Variants in ATG101 observed in about 807,000 individuals in gnomAD.
ATG101 encodes autophagy-related protein 101.
Under a neutral mutation model 16.7 loss-of-function variants are expected in ATG101, and 6 were observed. The ratio of observed to expected loss-of-function variants is 0.36; its 90% CI spans 0.20 to 0.71. The LOEUF is 0.71. Among genes scored for constraint, ATG101 ranks in the 30% least tolerant of loss-of-function variants. ATG101 has a pLI of 0.57. For missense variants in ATG101, 200 were observed against 292.5 expected (o/e 0.68, Z 2.31); for synonymous variants, 108 against 118.1 (o/e 0.91, Z 0.56).
At chr12:52,074,071 G>A (rs1592317712) in intron 3 of ATG101, among the ~76,000 whole-genome samples, 169 bp downstream of exon 3, 1 of 144,962 alleles carries the variant, frequency 6.9e-6, no homozygotes, top group East Asian at 2.4e-4. Context: ...TCCTCTTCAG[G>A]GGAGGGCGCG....
chr12:52,074,779 C>T (rs765019067), intron 3 of ATG101, among the ~76,000 whole-genome samples: 14 of 152,046 alleles, frequency 9.2e-5, no homozygotes, highest in Non-Finnish European at 1.5e-4. Flanking sequence ...GGAAACATGG[C>T]GAAACTCCGT....
Position 52,077,437 on chromosome 12 carries a change from T to A in ATG101, c.*247T>A. On this transcript the variant is annotated 3_prime_UTR_variant, in exon 4 of 4. Transcript: ENST00000336854. ...GGTGGGGTCCCCCTTCTTTCTCCAC[T>A]GTACAGAAGAGCCACCACTGGGATG... is the stretch of plus-strand genomic sequence containing the variant. The A allele has an allele frequency of 1.9e-6, 1 of 526,134 alleles. No homozygotes were observed. Among genetic ancestry groups the A allele is most frequent in the Non-Finnish European group, 3.4e-6 (1 of 296,144 alleles). The allele number at this position is 526,134 out of a possible 1,614,324, so 32.6% of individuals were successfully genotyped here.
In ATG101 at chr12:52,076,876, G is replaced by T. The variant is rs1052975287; in HGVS notation, c.343G>T (p.Glu115Ter). The T allele has an allele frequency of 6.2e-7, 1 of 1,614,072 alleles. No homozygotes were observed. The highest frequency in any genetic ancestry group is 8.5e-7 in the Non-Finnish European group (1 of 1,180,042). The change falls in exon 4 of 4, where the codon GAG (glutamate) becomes TAG (stop). Residue 115 changes from glutamate to a stop codon, truncating the protein, a stop_gained. Transcript: ENST00000336854. LOFTEE classifies it high-confidence loss of function. ...GAAGTCTCGCTGGCCATTCTCAGAC[G>T]AGTGCATCCCATGGGAAGTGTGGAC... ...KKKSRWPFSD[E>*]CIPWEVWTVK... is the part of the protein sequence containing the mutation.
upstream of ATG101, among the ~76,000 whole-genome samples, chr12:52,065,358 C>A (rs1362868791): frequency 6.6e-6 from 1 of 152,216 alleles, no homozygotes; most frequent in East Asian, 1.9e-4. Flanking sequence ...TGTGACTTGT[C>A]CCCCTTGGCA....
In ATG101 at chr12:52,077,409, C is replaced by A; in HGVS notation, c.*219C>A. On this transcript the variant is annotated 3_prime_UTR_variant, in exon 4 of 4. Transcript: ENST00000336854. ...CCTGCCTCTACTGTCTCTCCATAGC[C>A]CTGGTGGGGTCCCCCTTCTTTCTCC... 1.7e-6 allele frequency: 1 copy of A among 594,878 alleles called. No individual in the cohort carries two copies. Among genetic ancestry groups the A allele is most frequent in the Non-Finnish European group, 2.9e-6 (1 of 340,244 alleles). 36.8% of individuals were successfully genotyped at this position (594,878 alleles called of 1,614,324 possible).
At chr12:52,069,551 C>G (rs1344975068), upstream of ATG101, 1 of 152,272 alleles carries the variant, frequency 6.6e-6, no homozygotes. Flanking sequence ...GTGTTCCTTC[C>G]AGACCTCTCA....
upstream of ATG101, among the ~76,000 whole-genome samples, chr12:52,068,646 C>T (rs1939577931): frequency 6.6e-6 from 1 of 152,014 alleles, no homozygotes; most frequent in Non-Finnish European, 1.5e-5. Context: ...CGTGAGGCAC[C>T]CCAATGGGCC....
rs116172382 is a variant in ATG101 at position 52,074,593 on chromosome 12, C to T, written c.252+691C>T. Among the ~76,000 whole-genome samples the T allele has an allele frequency of 7.1e-3, 1,081 of 151,818 alleles. 12 individuals carry two copies. The highest frequency in any genetic ancestry group is 0.024 in the African/African-American group (1,003 of 41,380). Reference sequence around the variant, plus strand: ...TCTTGAACTCCTGGGCTCGAGCAGTCCTTCCACTGCAGCCTTCCAAGCAGC... The same window carrying T: ...TCTTGAACTCCTGGGCTCGAGCAGTTCTTCCACTGCAGCCTTCCAAGCAGC... On this transcript the variant is annotated intron_variant, in intron 3 of 3. Transcript: ENST00000336854.
chr12:52,068,205 C>T (rs1412916334), upstream of ATG101, among the ~76,000 whole-genome samples: 6 of 150,142 alleles, frequency 4.0e-5, no homozygotes, highest in African/African-American at 1.5e-4. Context: ...TGACACCACA[C>T]CTGGCTTTTT....
At chr12:52,069,147 G>GTATTCA (rs1426412355), upstream of ATG101, 1 of 152,054 alleles carries the variant, frequency 6.6e-6, no homozygotes, top group Non-Finnish European at 1.5e-5. Context: ...AAATACACTT[G>GTATTCA]TATTCATATT....
In ATG101 at chr12:52,076,959, G is replaced by A; in HGVS notation, c.426G>A (p.Glu142=). The A allele has an allele frequency of 6.2e-7, 1 of 1,614,236 alleles. No individual in the cohort carries two copies. Among genetic ancestry groups the A allele is most frequent in the Admixed American group, 1.7e-5 (1 of 60,030 alleles). Residue 142 remains glutamate (E), a synonymous_variant, in exon 4 of 4, where the codon GAG becomes GAA. Transcript: ENST00000336854. ...ATEQERQICR[E]KVGEKLCEKI... is the part of the protein sequence containing the mutation. Reference sequence around the variant, plus strand: ...AGCAGGAGCGGCAGATCTGCCGGGAGAAGGTGGGTGAGAAACTCTGCGAGA... The same window carrying A: ...AGCAGGAGCGGCAGATCTGCCGGGAAAAGGTGGGTGAGAAACTCTGCGAGA...
At chr12:52,068,391 G>A (rs893419325), upstream of ATG101, among the ~76,000 whole-genome samples, 5 of 146,624 alleles carry the variant, frequency 3.4e-5, no homozygotes, top group African/African-American at 1.3e-4. Flanking sequence ...ATCTTGTTTT[G>A]TCATTCAGCC....
intron 2 of ATG101, 192 bp downstream of exon 2, chr12:52,070,675 A>T (rs1592316198): frequency 6.6e-6 from 1 of 152,178 alleles, no homozygotes; most frequent in South Asian, 2.1e-4. Context: ...TGGGAAGGAG[A>T]ATGGGGTTGG....
intron 3 of ATG101, among the ~76,000 whole-genome samples, chr12:52,074,352 G>C: frequency 6.6e-6 from 1 of 152,176 alleles, no homozygotes; most frequent in Non-Finnish European, 1.5e-5. Context: ...TTGTGTGCCT[G>C]GGTAGGAGAA....
chr12:52,072,414 G>C (rs2120615655), intron 2 of ATG101, among the ~76,000 whole-genome samples: 1 of 152,354 alleles, frequency 6.6e-6, no homozygotes. Context: ...AGGTCATAGA[G>C]CAAGATGTAG....
rs574007179 is a variant in ATG101, at chr12:52,070,021, C to A, written c.-428C>A. On this transcript the variant is annotated 5_prime_UTR_variant, in exon 1 of 4. Transcript: ENST00000336854. ...CCGACCCAGGTGGTCTGGAGCCTGC[C>A]GGGAGAGTGGTGGCATCTGAGAGGC... 6.6e-6 allele frequency: 1 copy of A among 152,388 alleles called. No homozygotes were observed. Among genetic ancestry groups the A allele is most frequent in the African/African-American group, 2.4e-5 (1 of 41,442 alleles). 9.4% of individuals were successfully genotyped at this position (152,388 alleles called of 1,614,324 possible). A position where few individuals can be genotyped will look rare whatever the true frequency, so the allele number is the denominator to read the frequency against.
At chr12:52,071,859 TTGAC>T (rs1317517628) in intron 2 of ATG101, among the ~76,000 whole-genome samples, 1 of 152,186 alleles carries the variant, frequency 6.6e-6, no homozygotes, top group African/African-American at 2.4e-5. Context: ...TTCCTGAACA[TTGAC>T]TGGTTGTTGT....
chr12:52,077,314 C>T lies in ATG101; in HGVS notation c.*124C>T. On this transcript the variant is annotated 3_prime_UTR_variant, in exon 4 of 4. Transcript: ENST00000336854. The stretch of plus-strand genomic sequence containing the variant: ...ATTGGTGAGACTTGGAAGGGGCAGC[C>T]CCCGCTGGCTTCTTGGTTTTGTGGT... 1 of 1,135,842 alleles carries T rather than the reference C, an allele frequency of 8.8e-7. No individual in the cohort carries two copies. The highest frequency in any genetic ancestry group is 1.2e-6 in the Non-Finnish European group (1 of 816,604). The allele number at this position is 1,135,842 out of a possible 1,614,324, so 70.4% of individuals were successfully genotyped here.
At chr12:52,065,521 C>T (rs1417432134), upstream of ATG101, among the ~76,000 whole-genome samples, 1 of 122,140 alleles carries the variant, frequency 8.2e-6, no homozygotes, top group Non-Finnish European at 1.6e-5. Context: ...TCCCTCCCCT[C>T]CCTGATGGGA....
Sources: allele counts gnomAD v4.1 joint callset (sites outside exome capture counted in the v4.1 genomes callset), GRCh38; gene constraint gnomAD v4.1.1; transcripts MANE v1.5; gene names NCBI Gene and HGNC (gene_info 2026-07-23, HGNC 2026-07-21).